The following DNAH1 variants were observed in gnomAD, a reference collection of about 807,000 sequenced individuals.
DNAH1 encodes axonemal beta dynein heavy chain 1.
In DNAH1, 327 loss-of-function variants were observed where a neutral mutation model predicts 484.3. The observed-to-expected ratio is 0.68, with a 90% CI of 0.62 to 0.74. The LOEUF (loss-of-function observed/expected upper bound fraction) is 0.74, where lower values mean the gene tolerates loss of function less well. Among genes scored for constraint, DNAH1 ranks in the 30% least tolerant of loss-of-function variants. The pLI, the probability that DNAH1 is intolerant of heterozygous loss-of-function variation, is 0.00. For missense variants in DNAH1, 5,052 were observed against 5,546.8 expected (o/e 0.91, Z 2.83); for synonymous variants, 2,192 against 2,191.9 (o/e 1.00, Z 0.00).
chr3:52,328,573 C>T (rs1701435776), intron 6 of DNAH1, among the ~76,000 whole-genome samples: 2 of 152,398 alleles, frequency 1.3e-5, no homozygotes, highest in South Asian at 4.1e-4. Flanking sequence ...TGTCACACCT[C>T]ACCATGCCCA....
chr3:52,327,674 T>G (rs1701397609), intron 5 of DNAH1, among the ~76,000 whole-genome samples: 2 of 152,142 alleles, frequency 1.3e-5, no homozygotes, highest in Admixed American at 6.5e-5. Context: ...TGTGTACCCC[T>G]GGGAGCAGCA....
At chr3:52,373,306 G>A (rs546345149) in intron 44 of DNAH1, among the ~76,000 whole-genome samples, 15 of 152,282 alleles carry the variant, frequency 9.9e-5, no homozygotes, top group East Asian at 3.9e-4. Context: ...CCCAGGTGGC[G>A]GTGGTGGCCG....
At chr3:52,393,126 G>A (rs983334531) in intron 65 of DNAH1, 101 bp downstream of exon 65, 42 of 1,468,126 alleles carry the variant, frequency 2.9e-5, no homozygotes, top group Middle Eastern at 1.8e-4. Flanking sequence ...GTTCACTGGC[G>A]TACACTCTCC....
chr3:52,331,619 C>CTTTTTTT lies in DNAH1; in HGVS notation c.1033+327_1033+333dup, dbSNP rs36097098. The stretch of plus-strand genomic sequence containing the variant: ...TATAACTCCTTGTCTAAATACTTTT[C>CTTTTTTT]TTTTTTTTTTTTTTTTTTTTTTTGA... On this transcript the variant is annotated intron_variant, in intron 7 of 77. Coordinates refer to ENST00000420323, the MANE Select transcript of DNAH1 (RefSeq NM_015512.5). Among the ~76,000 whole-genome samples the CTTTTTTT allele has an allele frequency of 1.3e-3, 142 of 111,326 alleles. 2 individuals carry two copies. Among genetic ancestry groups the CTTTTTTT allele is most frequent in the Non-Finnish European group, 1.8e-3 (93 of 52,762 alleles). 73.0% of individuals were successfully genotyped at this position (111,326 alleles called of 152,430 possible).
In DNAH1 at chr3:52,361,033, G is replaced by GC; in HGVS notation, c.4686-129dup. On this transcript the variant is annotated intron_variant, in intron 28 of 77. Transcript: ENST00000420323. This position sits in a 1 kb window ranked among gnomAD's most constrained non-coding sequence, Gnocchi z 5.6. ...CACAGGCTCCAGTCCTGACCCCGGA[G>GC]CCAGGGCTGGGCACACCCCAGCCCA... 1.0e-5 allele frequency: 9 copies of GC among 867,366 alleles called. No homozygotes were observed. Among genetic ancestry groups the GC allele is most frequent in the Non-Finnish European group, 1.3e-5 (8 of 627,942 alleles). The allele number at this position is 867,366 out of a possible 1,614,324, so 53.7% of individuals were successfully genotyped here. A position where few individuals can be genotyped will look rare whatever the true frequency, so the allele number is the denominator to read the frequency against.
intron 66 of DNAH1, 79 bp downstream of exon 66, chr3:52,393,564 G>C (rs751746464): frequency 5.7e-6 from 9 of 1,579,088 alleles, no homozygotes; most frequent in Non-Finnish European, 7.8e-6. Context: ...GGAAGGAAAG[G>C]GAAAGCCAGG....
chr3:52,353,066 C>G lies in DNAH1; in HGVS notation c.3028-37C>G. 1 of 1,582,804 alleles carries G rather than the reference C, an allele frequency of 6.3e-7. No individual in the cohort carries two copies. Among genetic ancestry groups the G allele is most frequent in the Non-Finnish European group, 8.6e-7 (1 of 1,162,352 alleles). ...ACATGGAGAGAGACTGGGAAGTGTC[C>G]CAAGACAGCCCCAGCCCTGCCCTCC... On this transcript the variant is annotated intron_variant, in intron 18 of 77. Transcript: ENST00000420323. The surrounding 1 kb of genome is among the most constrained non-coding windows in gnomAD (Gnocchi z 5.0).
chr3:52,357,567 T>C, intron 22 of DNAH1, 47 bp from the exon 23 acceptor site: 1 of 1,578,984 alleles, frequency 6.3e-7, no homozygotes, highest in Non-Finnish European at 8.6e-7. Flanking sequence ...TCTTGCTACC[T>C]GGACCATGCT....
At chr3:52,329,411 G>T (rs1701461108) in intron 6 of DNAH1, among the ~76,000 whole-genome samples, 1 of 152,188 alleles carries the variant, frequency 6.6e-6, no homozygotes, top group African/African-American at 2.4e-5. Flanking sequence ...AGCAAAATAG[G>T]TGAGCTATAG....
chr3:52,365,739 GT>G (rs1313065364), intron 34 of DNAH1, among the ~76,000 whole-genome samples: 4 of 152,130 alleles, frequency 2.6e-5, no homozygotes. Flanking sequence ...ACCCTAGGCA[GT>G]TCCTGCTCAG....
chr3:52,312,773 C>G (rs1375764811), upstream of DNAH1, among the ~76,000 whole-genome samples: 2 of 152,166 alleles, frequency 1.3e-5, no homozygotes, highest in Non-Finnish European at 2.9e-5. Context: ...TTGCCTCAGC[C>G]TCCCGAGTAG....
At chr3:52,376,905 C>T (rs1021994152) in intron 46 of DNAH1, among the ~76,000 whole-genome samples, 1 of 151,760 alleles carries the variant, frequency 6.6e-6, no homozygotes, top group Non-Finnish European at 1.5e-5. Flanking sequence ...TCCCAGGGGT[C>T]AGTAGTGCTG....
intron 8 of DNAH1, among the ~76,000 whole-genome samples, chr3:52,343,869 G>A (rs964142450): frequency 1.3e-5 from 2 of 152,088 alleles, no homozygotes; most frequent in Admixed American, 6.5e-5. Context: ...GTGAGTGAGC[G>A]AGTGAGTGAG....
intron 60 of DNAH1, 70 bp from the exon 61 acceptor site, chr3:52,390,865 G>A: frequency 6.5e-7 from 1 of 1,543,782 alleles, no homozygotes; most frequent in Non-Finnish European, 8.8e-7. Context: ...GAGGCCGGGA[G>A]ATGCTGATGC....
chr3:52,331,212 G>A lies in DNAH1; in HGVS notation c.936G>A (p.Glu312=), dbSNP rs773309762. The change falls in exon 7 of 78, where the codon GAG becomes GAA. Residue 312 remains glutamate, a synonymous_variant. Coordinates refer to ENST00000420323, the MANE Select transcript of DNAH1 (RefSeq NM_015512.5). ...WCEVGVLDYD[E]EKKLYLVHKT... ...AGGTCGGCGTCCTGGACTACGACGA[G>A]GAGAAGAAGCTATACCTGGTACACA... 8 of 1,609,790 alleles carry A rather than the reference G, an allele frequency of 5.0e-6. No individual in the cohort carries two copies. Among genetic ancestry groups the A allele is most frequent in the Non-Finnish European group, 6.8e-6 (8 of 1,178,036 alleles).
At position 52,390,938 on chromosome 3, in the gene DNAH1, G is replaced by T. The variant is rs377382857; in HGVS notation, c.9625G>T (p.Ala3209Ser). The change falls in exon 61 of 78, where the codon GCT becomes TCT. Residue 3209 changes from alanine (A) to serine (S), a missense_variant. Physicochemically the swap from Ala to Ser is moderately conservative, Grantham distance 99. Transcript: ENST00000420323. ...NPVKIRSWQI[A>S]GLPNDTLSVE... ...TCCAGTGCCTGGCTCTCCACAGATC[G>T]CTGGCCTCCCCAACGACACACTGTC... 6.4e-7 allele frequency: 1 copy of T among 1,551,794 alleles called. No individual in the cohort carries two copies. The highest frequency in any genetic ancestry group is 8.7e-7 in the Non-Finnish European group (1 of 1,146,962).
chr3:52,377,663 C>T (rs544856614), intron 46 of DNAH1, among the ~76,000 whole-genome samples: 2 of 152,178 alleles, frequency 1.3e-5, no homozygotes, highest in South Asian at 2.1e-4. Context: ...CAGGCCTGCT[C>T]CCACCTCCAG....
At chr3:52,312,984 TC>T, upstream of DNAH1, among the ~76,000 whole-genome samples, 1 of 152,284 alleles carries the variant, frequency 6.6e-6, no homozygotes, top group Middle Eastern at 3.4e-3. Flanking sequence ...AGACAGGGTT[TC>T]ACCATGTTGC....
intron 44 of DNAH1, chr3:52,373,803 C>T: frequency 7.0e-7 from 1 of 1,422,804 alleles, no homozygotes; most frequent in Admixed American, 1.7e-5. Context: ...ATATATCACC[C>T]ATAATTGGAA....
Sources: allele counts gnomAD v4.1 joint callset (sites outside exome capture counted in the v4.1 genomes callset), GRCh38; gene constraint gnomAD v4.1.1; non-coding constraint Gnocchi (gnomAD v3.1); transcripts MANE v1.5; gene names NCBI Gene and HGNC (gene_info 2026-07-23, HGNC 2026-07-21).